XPO6: variants seen among roughly 807,000 people sequenced by gnomAD.
The protein encoded by XPO6 is exportin 6.
Under a neutral mutation model 130.0 loss-of-function variants are expected in XPO6, and 3 were observed. The observed-to-expected ratio is 0.02, with a 90% CI of 0.01 to 0.06. The LOEUF (loss-of-function observed/expected upper bound fraction) is 0.06. Among genes scored for constraint, XPO6 ranks in the 10% least tolerant of loss-of-function variants. The probability of loss-of-function intolerance (pLI) is 1.00; values close to 1 mark genes in which losing one functional copy is unlikely to be tolerated. For missense variants in XPO6, 970 were observed against 1,393.0 expected (o/e 0.70, Z 4.83); for synonymous variants, 524 against 548.9 (o/e 0.95, Z 0.63).
intron 6 of XPO6, among the ~76,000 whole-genome samples, chr16:28,162,574 T>C (rs1407899118): frequency 6.6e-6 from 1 of 151,806 alleles, no homozygotes; most frequent in Non-Finnish European, 1.5e-5. Context: ...TTTTTTTTTT[T>C]TTTTGGAGAC....
Position 28,111,965 on chromosome 16 carries a change from C to T in XPO6, c.2193G>A (p.Leu731=). Residue 731 remains leucine, a synonymous_variant, in exon 17 of 24, where the codon CTG becomes CTA. Coordinates refer to ENST00000304658, the MANE Select transcript of XPO6 (RefSeq NM_015171.4). ...TCTCTGGAAGGTTTGGCCACGGAAG[C>T]AGCAAGATGTTAGAGAGGGCTCGGC... is the stretch of plus-strand genomic sequence containing the variant. ...LVCRALSNIL[L]LPWPNLPENE... 1.2e-6 allele frequency: 2 copies of T among 1,613,984 alleles called. No individual in the cohort carries two copies. Among genetic ancestry groups the T allele is most frequent in the South Asian group, 1.1e-5 (1 of 91,030 alleles).
rs143901187 is a variant in XPO6, at chr16:28,106,760, G to A, written c.2498-263C>T. Among the ~76,000 whole-genome samples the A allele has an allele frequency of 7.7e-4, 117 of 152,260 alleles. 4 individuals are homozygous for A. In the East Asian group the frequency reaches 0.021, roughly 28 times the overall value. On this transcript the variant is annotated intron_variant, in intron 18 of 23. Coordinates refer to ENST00000304658, the MANE Select transcript of XPO6 (RefSeq NM_015171.4). The surrounding 1 kb of genome is among the most constrained non-coding windows in gnomAD (Gnocchi z 4.2). ...AGGTCATCTCGAACCCTCCCTCATT[G>A]CCCGACATCCAGTGATGGTCAGAGT... is the stretch of plus-strand genomic sequence containing the variant.
chr16:28,207,072 C>T (rs2044043372), intron 1 of XPO6, among the ~76,000 whole-genome samples: 1 of 151,968 alleles, frequency 6.6e-6, no homozygotes, highest in Non-Finnish European at 1.5e-5. Context: ...CGTGGTGAAA[C>T]CCCATCTCTA....
At chr16:28,208,987 A>G (rs1236872433) in intron 1 of XPO6, 1 of 152,242 alleles carries the variant, frequency 6.6e-6, no homozygotes, top group African/African-American at 2.4e-5. Context: ...ACATACTCAC[A>G]ATGGAATTCA....
chr16:28,199,927 C>T (rs1401335979), intron 1 of XPO6, among the ~76,000 whole-genome samples: 8 of 151,792 alleles, frequency 5.3e-5, no homozygotes, highest in Non-Finnish European at 7.4e-5. Context: ...GAGGCCAAGG[C>T]GGTGGATTAC....
rs1432490215 is a variant in XPO6 at position 28,132,259 on chromosome 16, CGGCAGCAGT to C, written c.1606+66_1606+74del. On this transcript the variant is annotated intron_variant, in intron 12 of 23. Coordinates refer to ENST00000304658, the MANE Select transcript of XPO6 (RefSeq NM_015171.4). The surrounding 1 kb of genome is among the most constrained non-coding windows in gnomAD (Gnocchi z 4.0). ...TGAAGAAATCATGTTCCGACAGCAA[CGGCAGCAGT>C]AATGAAATATCAGTCCGATGGTTTT... The C allele has an allele frequency of 8.8e-7, 1 of 1,131,704 alleles. No homozygotes were observed. The highest frequency in any genetic ancestry group is 1.3e-6 in the Non-Finnish European group (1 of 771,102). 70.1% of individuals were successfully genotyped at this position (1,131,704 alleles called of 1,614,324 possible). A position where few individuals can be genotyped will look rare whatever the true frequency, so the allele number is the denominator to read the frequency against.
intron 9 of XPO6, among the ~76,000 whole-genome samples, chr16:28,144,147 T>A (rs1385834647): frequency 6.6e-6 from 1 of 152,176 alleles, no homozygotes; most frequent in Non-Finnish European, 1.5e-5. Context: ...AAAACATAAT[T>A]ACTTAAAGTT....
intron 5 of XPO6, among the ~76,000 whole-genome samples, chr16:28,168,547 C>T (rs2141848610): frequency 6.6e-6 from 1 of 151,562 alleles, no homozygotes; most frequent in East Asian, 1.9e-4. Context: ...TTTAGGTTTA[C>T]CCCTGGGGCT....
At chr16:28,143,362 T>C (rs958051496) in intron 9 of XPO6, among the ~76,000 whole-genome samples, 2 of 152,204 alleles carry the variant, frequency 1.3e-5, no homozygotes, top group Non-Finnish European at 2.9e-5. Flanking sequence ...GCCTAATACA[T>C]CTAGATGCTG....
chr16:28,116,646 G>T (rs1467082676), intron 15 of XPO6, among the ~76,000 whole-genome samples: 1 of 152,098 alleles, frequency 6.6e-6, no homozygotes. Flanking sequence ...CAGGGAATAG[G>T]GAGGCCTAAA....
At chr16:28,134,003 C>T in intron 10 of XPO6, 70 bp from the exon 11 acceptor site, 5 of 1,460,714 alleles carry the variant, frequency 3.4e-6, no homozygotes, top group Non-Finnish European at 4.7e-6. Flanking sequence ...CTCAAGACCA[C>T]TCTCAGACAT....
intron 6 of XPO6, among the ~76,000 whole-genome samples, chr16:28,159,245 A>C (rs918012307): frequency 6.6e-6 from 1 of 152,120 alleles, no homozygotes; most frequent in African/African-American, 2.4e-5. Context: ...AAAAGAAAAA[A>C]GAAAAGAAGA....
intron 2 of XPO6, 26 bp from the exon 3 acceptor site, chr16:28,177,358 G>A (rs747237673): frequency 7.1e-7 from 1 of 1,416,710 alleles, no homozygotes; most frequent in Non-Finnish European, 9.9e-7. Context: ...GGCAACAAAA[G>A]AAAGCTATGA....
intron 12 of XPO6, among the ~76,000 whole-genome samples, chr16:28,128,384 C>T (rs1187419623): frequency 2.0e-5 from 3 of 152,104 alleles, no homozygotes; most frequent in Non-Finnish European, 4.4e-5. Flanking sequence ...TTCAGCAGTC[C>T]CTGGCACTCT....
chr16:28,172,593 T>G (rs968011811), intron 4 of XPO6, among the ~76,000 whole-genome samples: 15 of 152,080 alleles, frequency 9.9e-5, no homozygotes, highest in Non-Finnish European at 1.5e-5. Flanking sequence ...CAATTTCGAT[T>G]ACTTCTCCAG....
intron 14 of XPO6, among the ~76,000 whole-genome samples, chr16:28,121,435 T>G (rs2087234829): frequency 6.6e-6 from 1 of 152,218 alleles, no homozygotes; most frequent in Non-Finnish European, 1.5e-5. Flanking sequence ...CCTCCTGAAA[T>G]GCCTACTCCA....
Position 28,166,546 on chromosome 16 carries a change from GCAGTAA to G in XPO6, c.599_604del (p.Val200_Thr201del). The G allele has an allele frequency of 6.3e-7, 1 of 1,593,156 alleles. No homozygotes were observed. Among genetic ancestry groups the G allele is most frequent in the Middle Eastern group, 1.7e-4 (1 of 6,036 alleles). On this transcript the variant is annotated inframe_deletion, in exon 6 of 24. Transcript: ENST00000304658. ...GGTCGGGGATGGTGGTGGAGTGGCA[GCAGTAA>G]CACTGTGTTTGTCCCAGACAGTCTC... is the stretch of plus-strand genomic sequence containing the variant.
chr16:28,121,107 T>C (rs2087224433), intron 14 of XPO6, among the ~76,000 whole-genome samples: 1 of 152,258 alleles, frequency 6.6e-6, no homozygotes, highest in Non-Finnish European at 1.5e-5. Flanking sequence ...ATGTTATCTG[T>C]AGAGTTTCTG....
chr16:28,105,791 C>G (rs2086763014), intron 20 of XPO6: 1 of 488,828 alleles, frequency 2.0e-6, no homozygotes, highest in Non-Finnish European at 3.5e-6. Context: ...AAATTTGCCG[C>G]AGGAGACTGA....
Sources: gnomAD v4.1 joint callset for allele counts (sites outside exome capture counted in the v4.1 genomes callset) on GRCh38, gnomAD v4.1.1 for gene constraint, Gnocchi (gnomAD v3.1) non-coding constraint, MANE v1.5 for transcripts, NCBI Gene and HGNC (gene_info 2026-07-23, HGNC 2026-07-21) for gene names.